POMK: variants seen among roughly 807,000 people sequenced by gnomAD.
POMK encodes the protein Sugen kinase 196.
A neutral mutation model predicts 23.0 loss-of-function variants in POMK; 19 were observed. That is an observed-to-expected ratio of 0.83 (90% CI 0.58 to 1.21). The LOEUF (loss-of-function observed/expected upper bound fraction) is 1.21, where lower values mean the gene tolerates loss of function less well. Ranked by LOEUF, POMK falls within the 50% of genes most tolerant of loss-of-function variation. The pLI is 0.00. For missense variants in POMK, 410 were observed against 431.3 expected (o/e 0.95, Z 0.44); for synonymous variants, 173 against 171.6 (o/e 1.01, Z -0.06).
chr8:43,099,727 T>G (rs1303729990), intron 2 of POMK, among the ~76,000 whole-genome samples: 2 of 152,212 alleles, frequency 1.3e-5, no homozygotes, highest in African/African-American at 4.8e-5. Flanking sequence ...GGGGTTTGCC[T>G]GAGCTGGGCT....
chr8:43,122,420 C>T lies in POMK; in HGVS notation c.596C>T (p.Thr199Ile). The T allele has an allele frequency of 3.1e-6, 5 of 1,614,192 alleles. No homozygotes were observed. Among genetic ancestry groups the T allele is most frequent in the Non-Finnish European group, 4.2e-6 (5 of 1,180,024 alleles). ...TACCTGCACCACAGCCCTGTGGGCACACGGGTCATGTGCGACTCCAACGAC... is the reference window on the plus strand; with the variant it reads ...TACCTGCACCACAGCCCTGTGGGCATACGGGTCATGTGCGACTCCAACGAC... Reference protein sequence around the residue: ...INYLHHSPVGTRVMCDSNDLP... With the variant: ...INYLHHSPVGIRVMCDSNDLP... Residue 199 changes from threonine (T) to isoleucine (I), a missense_variant, in exon 5 of 5, where the codon ACA becomes ATA. Thr to Ile is a moderately conservative substitution (Grantham distance 89). Coordinates refer to ENST00000331373, the MANE Select transcript of POMK (RefSeq NM_032237.5).
intron 2 of POMK, among the ~76,000 whole-genome samples, chr8:43,101,980 G>A (rs898269204): frequency 2.0e-5 from 3 of 152,056 alleles, no homozygotes; most frequent in Non-Finnish European, 4.4e-5. Flanking sequence ...ATTTTTCATG[G>A]CTGGCTCCTC....
chr8:43,107,166 T>C (rs981423662), intron 4 of POMK, among the ~76,000 whole-genome samples: 1 of 152,074 alleles, frequency 6.6e-6, no homozygotes, highest in African/African-American at 2.4e-5. Flanking sequence ...AGCATTAGTC[T>C]GGGGACTTAT....
chr8:43,099,658 A>C (rs1269098954), intron 2 of POMK, among the ~76,000 whole-genome samples: 1 of 152,204 alleles, frequency 6.6e-6, no homozygotes, highest in South Asian at 2.1e-4. Context: ...GACTGTGATA[A>C]GGTCAGTTTG....
At position 43,099,559 on chromosome 8, in the gene POMK, T is replaced by C. The variant is rs530343157; in HGVS notation, c.-118+1944T>C. On this transcript the variant is annotated intron_variant, in intron 2 of 4. Transcript: ENST00000331373. ...TATAAGGCGTTTAAGGAGGGAGTTATCAATCACGGTAGATGCTATTGATAG... is the reference window on the plus strand; with the variant it reads ...TATAAGGCGTTTAAGGAGGGAGTTACCAATCACGGTAGATGCTATTGATAG... Among the ~76,000 whole-genome samples the C allele has an allele frequency of 4.1e-4, 62 of 152,360 alleles. 1 individual carries two copies. In the South Asian group the frequency reaches 0.011, roughly 27 times the overall value.
At chr8:43,115,097 C>T (rs964549431) in intron 4 of POMK, among the ~76,000 whole-genome samples, 3 of 152,106 alleles carry the variant, frequency 2.0e-5, no homozygotes, top group Admixed American at 6.6e-5. Flanking sequence ...TGGGAGGATC[C>T]CTTGTGATGT....
intron 4 of POMK, among the ~76,000 whole-genome samples, chr8:43,105,827 C>G (rs878962414): frequency 6.6e-6 from 1 of 152,122 alleles, no homozygotes; most frequent in Admixed American, 6.5e-5. Flanking sequence ...CCATGCCCGG[C>G]TAATTTTATA....
In POMK at chr8:43,122,380, G is replaced by C. The variant is rs1241051300; in HGVS notation, c.556G>C (p.Val186Leu). Residue 186 changes from valine to leucine, a missense_variant, in exon 5 of 5, where the codon GTC becomes CTC. Transcript: ENST00000331373. ...CAGGCTGGAGCTGGCCATGGACTAT[G>C]TCAGCATCATTAATTACCTGCACCA... ...QHRLELAMDY[V>L]SIINYLHHSP... is the part of the protein sequence containing the mutation. 6.2e-7 allele frequency: 1 copy of C among 1,614,074 alleles called. No individual in the cohort carries two copies. Among genetic ancestry groups the C allele is most frequent in the Non-Finnish European group, 8.5e-7 (1 of 1,180,056 alleles).
chr8:43,095,780 C>T (rs1035496890), intron 1 of POMK, among the ~76,000 whole-genome samples: 1 of 152,218 alleles, frequency 6.6e-6, no homozygotes, highest in Non-Finnish European at 1.5e-5. Flanking sequence ...AATTACCACT[C>T]CTTGCCCCAA....
intron 4 of POMK, among the ~76,000 whole-genome samples, chr8:43,105,843 A>C (rs1483274232): frequency 1.3e-5 from 2 of 152,150 alleles, no homozygotes; most frequent in Non-Finnish European, 2.9e-5. Context: ...TTATATTTTT[A>C]GTAGAGATGG....
chr8:43,096,002 C>G (rs1175797570), intron 1 of POMK, among the ~76,000 whole-genome samples: 2 of 151,966 alleles, frequency 1.3e-5, no homozygotes, highest in Non-Finnish European at 2.9e-5. Context: ...GGAGCGAACA[C>G]AGGAGAGGGA....
At chr8:43,112,133 A>G (rs1022472622) in intron 4 of POMK, among the ~76,000 whole-genome samples, 2 of 149,094 alleles carry the variant, frequency 1.3e-5, no homozygotes, top group Non-Finnish European at 3.0e-5. Flanking sequence ...TAAAGGAGGA[A>G]GTTCGAACCA....
At chr8:43,095,962 A>C (rs1465966973) in intron 1 of POMK, among the ~76,000 whole-genome samples, 3 of 152,158 alleles carry the variant, frequency 2.0e-5, no homozygotes, top group Non-Finnish European at 4.4e-5. Flanking sequence ...AGAAGACAGG[A>C]GCCGTGAGGA....
intron 1 of POMK, 74 bp from the exon 2 acceptor site, chr8:43,097,450 T>G (rs995229457): frequency 2.0e-5 from 3 of 152,146 alleles, no homozygotes; most frequent in Non-Finnish European, 4.4e-5. Flanking sequence ...TCTGAAAAAA[T>G]GATGCAGTGT....
At chr8:43,100,826 G>T (rs1049208299) in intron 2 of POMK, among the ~76,000 whole-genome samples, 1 of 151,970 alleles carries the variant, frequency 6.6e-6, no homozygotes, top group Non-Finnish European at 1.5e-5. Flanking sequence ...ACCGTCAGAG[G>T]CCCGGTGCGC....
At chr8:43,103,466 T>C (rs941445062) in intron 3 of POMK, 62 bp from the exon 4 acceptor site, 11 of 1,515,822 alleles carry the variant, frequency 7.3e-6, no homozygotes, top group Non-Finnish European at 1.0e-5. Flanking sequence ...AGAACACATT[T>C]TTGGAAATGA....
In POMK at chr8:43,105,100, T is replaced by C. The variant is rs545102739; in HGVS notation, c.282+1270T>C. ...TTATCCATATTTATGGGGTACACAG[T>C]GATGTTTCCATACCTACTTACAGTG... On this transcript the variant is annotated intron_variant, in intron 4 of 4. Coordinates refer to ENST00000331373, the MANE Select transcript of POMK (RefSeq NM_032237.5). Among the ~76,000 whole-genome samples the C allele has an allele frequency of 6.6e-5, 10 of 152,366 alleles. No individual in the cohort carries two copies. The East Asian group carries it at 1.5e-3, about 23-fold the overall frequency.
intron 4 of POMK, among the ~76,000 whole-genome samples, chr8:43,106,509 CTTTTTTTTTTT>C (rs1221471764): frequency 9.5e-5 from 11 of 115,200 alleles, no homozygotes; most frequent in East Asian, 9.4e-4. Context: ...TTTACTTTTG[CTTTTTTTTTTT>C]TTTTTTTTTG....
At chr8:43,121,120 G>A (rs1394914468) in intron 4 of POMK, among the ~76,000 whole-genome samples, 1 of 152,074 alleles carries the variant, frequency 6.6e-6, no homozygotes, top group Non-Finnish European at 1.5e-5. Context: ...ACCTATTTCC[G>A]ATTATTGCCT....
Sources: allele counts gnomAD v4.1 joint callset (sites outside exome capture counted in the v4.1 genomes callset), GRCh38; gene constraint gnomAD v4.1.1; transcripts MANE v1.5; gene names NCBI Gene and HGNC (gene_info 2026-07-23, HGNC 2026-07-21).